Variants in CCDC91 observed in about 807,000 individuals in gnomAD.
The protein encoded by CCDC91 is coiled-coil domain containing 91.
A neutral mutation model predicts 63.2 loss-of-function variants in CCDC91; 48 were observed. The observed-to-expected ratio is 0.76, with a 90% CI of 0.60 to 0.97. The LOEUF is 0.97. CCDC91 is among the 50% of genes least tolerant of loss of function. CCDC91 has a pLI of 0.00. For synonymous variants in CCDC91, 167 were observed against 165.8 expected (o/e 1.01, Z -0.06); for missense variants, 500 against 494.6 (o/e 1.01, Z -0.10).
At chr12:28,379,381 A>G (rs995199785) in intron 7 of CCDC91, among the ~76,000 whole-genome samples, 7 of 151,746 alleles carry the variant, frequency 4.6e-5, no homozygotes, top group Admixed American at 4.6e-4. Context: ...AGAATGGGAG[A>G]AAATTTTTGC....
chr12:28,296,364 G>C (rs993069423), intron 3 of CCDC91, among the ~76,000 whole-genome samples: 5 of 151,842 alleles, frequency 3.3e-5, no homozygotes, highest in African/African-American at 1.2e-4. Context: ...CAGCCCTCTG[G>C]AACACTGTTA....
rs375616333 is a variant in CCDC91 at position 28,245,235 on chromosome 12, T to C, written c.-14-11967T>C. ...GGGTCTGTTTATACTAGAATAAATT[T>C]GGTGTATGATAAAGATGGCTTATCA... On this transcript the variant is annotated intron_variant, in intron 1 of 12. Transcript: ENST00000536442. Among the ~76,000 whole-genome samples, 28 of 152,194 alleles carry C rather than the reference T, an allele frequency of 1.8e-4. No individual in the cohort carries two copies. The East Asian group carries it at 4.4e-3, about 24-fold the overall frequency.
chr12:28,316,874 CA>C (rs1296496397), intron 6 of CCDC91, among the ~76,000 whole-genome samples: 14 of 151,904 alleles, frequency 9.2e-5, no homozygotes, highest in African/African-American at 3.4e-4. Context: ...CTGGTTTGGT[CA>C]ATTTGGATTT....
At chr12:28,525,070 G>T (rs1941141765) in intron 12 of CCDC91, among the ~76,000 whole-genome samples, 1 of 151,894 alleles carries the variant, frequency 6.6e-6, no homozygotes, top group African/African-American at 2.4e-5. Context: ...TGTATCTTTT[G>T]TATTGTTTTT....
chr12:28,265,209 A>G (rs187676193), intron 3 of CCDC91, among the ~76,000 whole-genome samples: 3 of 152,122 alleles, frequency 2.0e-5, no homozygotes. Flanking sequence ...TGTCCTTTCT[A>G]ATATGTTTCT....
At chr12:28,526,874 T>G (rs1454433745) in intron 12 of CCDC91, among the ~76,000 whole-genome samples, 2 of 152,054 alleles carry the variant, frequency 1.3e-5, no homozygotes, top group Admixed American at 6.6e-5. Flanking sequence ...TGAAGTTCTT[T>G]CTTCTGCTTG....
At chr12:28,213,436 G>T (rs1374409303) in intron 1 of CCDC91, among the ~76,000 whole-genome samples, 2 of 152,338 alleles carry the variant, frequency 1.3e-5, no homozygotes, top group South Asian at 4.1e-4. Context: ...CATATTAAGG[G>T]TATAGGATAA....
chr12:28,344,475 ATTTC>A (rs1942667231), intron 6 of CCDC91, among the ~76,000 whole-genome samples: 1 of 152,094 alleles, frequency 6.6e-6, no homozygotes, highest in African/African-American at 2.4e-5. Context: ...AAAAAGATTT[ATTTC>A]ATATGTGTCA....
At chr12:28,221,140 T>TA (rs769214769) in intron 1 of CCDC91, among the ~76,000 whole-genome samples, 1 of 152,168 alleles carries the variant, frequency 6.6e-6, no homozygotes, top group Admixed American at 6.5e-5. Flanking sequence ...GTTATACTAT[T>TA]GCTGTTTTTT....
At chr12:28,199,378 G>T (rs10843129) in intron 1 of CCDC91, among the ~76,000 whole-genome samples, 1 of 151,574 alleles carries the variant, frequency 6.6e-6, no homozygotes, top group East Asian at 1.9e-4. Flanking sequence ...CTATTATTGT[G>T]TAAGTTACAT....
rs569524834 is a variant in CCDC91 at position 28,329,318 on chromosome 12, T to C, written c.576+21569T>C. On this transcript the variant is annotated intron_variant, in intron 6 of 12. Coordinates refer to ENST00000536442, the MANE Select transcript of CCDC91 (RefSeq NM_018318.5). ...CATTTTAGAGAGCTTGTTTATAATA[T>C]TGTGGCATGTATTTCATTCCCACCA... Among the ~76,000 whole-genome samples the C allele has an allele frequency of 2.0e-4, 30 of 152,304 alleles. 1 individual carries two copies. The highest frequency in any genetic ancestry group is 5.5e-4 in the African/African-American group (23 of 41,578).
chr12:28,429,983 C>G (rs940776986), intron 8 of CCDC91, among the ~76,000 whole-genome samples: 2 of 151,936 alleles, frequency 1.3e-5, no homozygotes, highest in Non-Finnish European at 2.9e-5. Context: ...CTGTATGGTA[C>G]ATTTCATCAG....
rs139948293 is a variant in CCDC91, at chr12:28,248,534, C to T, written c.-14-8668C>T. ...AGATTGAGCTAAAGCAGTTAGAAAA[C>T]TAGGAAGAAGGAAGGAGTATGATAG... On this transcript the variant is annotated intron_variant, in intron 1 of 12. Transcript: ENST00000536442. 5.3e-3 allele frequency among the ~76,000 whole-genome samples: 810 copies of T among 152,144 alleles called. 4 individuals carry two copies. Among genetic ancestry groups the T allele is most frequent in the Non-Finnish European group, 8.7e-3 (594 of 68,000 alleles).
chr12:28,280,137 A>T (rs1270299498), intron 3 of CCDC91, among the ~76,000 whole-genome samples: 1 of 152,100 alleles, frequency 6.6e-6, no homozygotes, highest in Non-Finnish European at 1.5e-5. Flanking sequence ...CTAGAACAGA[A>T]AGTACACAAT....
Position 28,208,159 on chromosome 12 carries a change from A to G in CCDC91, c.-15+17518A>G, listed in dbSNP as rs567769900. Among the ~76,000 whole-genome samples, 3 of 152,318 alleles carry G rather than the reference A, an allele frequency of 2.0e-5. No individual in the cohort carries two copies. The East Asian group carries it at 5.8e-4, about 29-fold the overall frequency. On this transcript the variant is annotated intron_variant, in intron 1 of 12. Transcript: ENST00000536442. ...AAGAGTACTTTTCAGGGTCCTCTCC[A>G]TCTTTCATGAACCTCCTGAAAGACG...
In CCDC91 at chr12:28,410,988, C is replaced by G. The variant is rs76459214; in HGVS notation, c.762+19577C>G. Among the ~76,000 whole-genome samples, 794 of 151,818 alleles carry G rather than the reference C, an allele frequency of 5.2e-3. 6 individuals carry two copies. In the Middle Eastern group the frequency reaches 0.058, roughly 11 times the overall value. ...ATATTTTAATGGTATCATTTTAGGTCTCCTTTGTTGGCTTATCATCTATAT... is the reference window on the plus strand; with the variant it reads ...ATATTTTAATGGTATCATTTTAGGTGTCCTTTGTTGGCTTATCATCTATAT... On this transcript the variant is annotated intron_variant, in intron 8 of 12. Coordinates refer to ENST00000536442, the MANE Select transcript of CCDC91 (RefSeq NM_018318.5).
chr12:28,283,479 G>T (rs772300389), intron 3 of CCDC91, among the ~76,000 whole-genome samples: 3 of 151,850 alleles, frequency 2.0e-5, no homozygotes, highest in Non-Finnish European at 2.9e-5. Context: ...GTTGTAAATG[G>T]GATTGAGTTC....
At chr12:28,502,849 A>G (rs879816975) in intron 12 of CCDC91, among the ~76,000 whole-genome samples, 46 of 140,212 alleles carry the variant, frequency 3.3e-4, no homozygotes, top group African/African-American at 4.2e-4. Context: ...TCCATATTTA[A>G]TAAATGGTGC....
intron 6 of CCDC91, among the ~76,000 whole-genome samples, chr12:28,316,285 T>C (rs1277673292): frequency 6.6e-6 from 1 of 151,806 alleles, no homozygotes; most frequent in Non-Finnish European, 1.5e-5. Flanking sequence ...TTGTCTTTAC[T>C]TGACTCCTTT....
Sources: gnomAD v4.1 joint callset for allele counts (sites outside exome capture counted in the v4.1 genomes callset) on GRCh38, gnomAD v4.1.1 for gene constraint, MANE v1.5 for transcripts, NCBI Gene and HGNC (gene_info 2026-07-23, HGNC 2026-07-21) for gene names.